The following USP7 variants were observed in gnomAD, a reference collection of about 807,000 sequenced individuals.
USP7 encodes ubiquitin C-terminal hydrolase 7.
A neutral mutation model predicts 162.9 loss-of-function variants in USP7; 9 were observed. The observed-to-expected ratio is 0.06, with a 90% confidence interval of 0.03 to 0.10. The LOEUF (loss-of-function observed/expected upper bound fraction) is 0.10. Ranked by LOEUF, USP7 falls within the 10% of genes least tolerant of loss-of-function variation. The pLI, the probability that USP7 is intolerant of heterozygous loss-of-function variation, is 1.00. For synonymous variants in USP7, 562 were observed against 475.9 expected (o/e 1.18, Z -2.35); for missense variants, 715 against 1,373.7 (o/e 0.52, Z 7.58).
chr16:8,941,149 C>T (rs939176504), intron 1 of USP7, among the ~76,000 whole-genome samples: 2 of 152,170 alleles, frequency 1.3e-5, no homozygotes, highest in Admixed American at 1.3e-4. Flanking sequence ...CATGAGGACC[C>T]CCCGCCCCAC....
intron 13 of USP7, among the ~76,000 whole-genome samples, chr16:8,905,882 A>G (rs116542245): frequency 5.3e-5 from 8 of 152,084 alleles, no homozygotes; most frequent in Non-Finnish European, 1.0e-4. Context: ...TGTTACACGC[A>G]CTCTTCACTG....
chr16:8,897,329 C>A, intron 25 of USP7: 1 of 500,330 alleles, frequency 2.0e-6, no homozygotes. Flanking sequence ...ACAAAAGTGG[C>A]CTTGATGCAA....
At chr16:8,897,698 C>CCAAAAAA (rs1555461632) in intron 25 of USP7, among the ~76,000 whole-genome samples, 7 of 35,596 alleles carry the variant, frequency 2.0e-4, no homozygotes, top group African/African-American at 8.3e-4. Context: ...CCTGTCTCTA[C>CCAAAAAA]AAAAAAAAAA....
chr16:8,958,444 C>G (rs755471601), intron 1 of USP7, among the ~76,000 whole-genome samples: 22 of 152,336 alleles, frequency 1.4e-4, no homozygotes, highest in African/African-American at 4.3e-4. Flanking sequence ...AAGGCAGTGA[C>G]GGACAGAAGT....
rs1343557524 is a variant in USP7, at chr16:8,899,689, C to T, written c.2378G>A (p.Arg793His). 5 of 1,614,150 alleles carry T rather than the reference C, an allele frequency of 3.1e-6. No individual in the cohort carries two copies. Among genetic ancestry groups the T allele is most frequent in the Non-Finnish European group, 3.4e-6 (4 of 1,180,000 alleles). The change falls in exon 22 of 31, where the codon CGC becomes CAC. Residue 793 changes from arginine to histidine, a missense_variant. Coordinates refer to ENST00000344836, the MANE Select transcript of USP7 (RefSeq NM_003470.3). The part of the protein sequence containing the change: ...AKEYFRDLYH[R>H]VDVIFCDKTI... ...TTTATCACAGAAAATGACATCAACGCGGTGGTAGAGATCTCGGAAATACTC... is the reference window on the plus strand; with the variant it reads ...TTTATCACAGAAAATGACATCAACGTGGTGGTAGAGATCTCGGAAATACTC...
chr16:8,920,952 T>C (rs538203763), intron 4 of USP7, among the ~76,000 whole-genome samples: 4 of 152,346 alleles, frequency 2.6e-5, no homozygotes, highest in African/African-American at 9.6e-5. Flanking sequence ...TTTGAATGTC[T>C]GACTAAAAAG....
intron 1 of USP7, among the ~76,000 whole-genome samples, chr16:8,959,211 G>A (rs144915766): frequency 1.5e-3 from 222 of 152,270 alleles, no homozygotes; most frequent in African/African-American, 4.9e-3. Context: ...TAAGCAATGT[G>A]CATTAGGTCC....
At chr16:8,929,569 G>A in intron 2 of USP7, 1 of 456,034 alleles carries the variant, frequency 2.2e-6, no homozygotes, top group Non-Finnish European at 4.4e-6. Flanking sequence ...CCCTCATGAG[G>A]ATTGATGGAC....
At chr16:8,958,392 C>T (rs562115266) in intron 1 of USP7, among the ~76,000 whole-genome samples, 3 of 152,342 alleles carry the variant, frequency 2.0e-5, no homozygotes, top group South Asian at 2.1e-4. Flanking sequence ...TGCAGCTGTG[C>T]GACTTCCTGT....
At chr16:8,939,143 T>G (rs1020245510) in intron 1 of USP7, among the ~76,000 whole-genome samples, 14 of 152,206 alleles carry the variant, frequency 9.2e-5, no homozygotes, top group Admixed American at 2.0e-4. Flanking sequence ...GTGTATTTAG[T>G]TCTCTACAAT....
Position 8,893,993 on chromosome 16 carries a change from G to A in USP7, c.*5C>T, listed in dbSNP as rs2061643948. On this transcript the variant is annotated 3_prime_UTR_variant, in exon 31 of 31. Coordinates refer to ENST00000344836, the MANE Select transcript of USP7 (RefSeq NM_003470.3). ...GTCCTCGCCTTGAACACACCAGCTT[G>A]GAAATCAGTTATGGATTTTAATGGC... 4 of 1,613,798 alleles carry A rather than the reference G, an allele frequency of 2.5e-6. No individual in the cohort carries two copies. The highest frequency in any genetic ancestry group is 1.6e-4 in the Middle Eastern group (1 of 6,062).
At chr16:8,918,349 G>C (rs1567223191) in intron 6 of USP7, among the ~76,000 whole-genome samples, 1 of 152,138 alleles carries the variant, frequency 6.6e-6, no homozygotes, top group Admixed American at 6.5e-5. Flanking sequence ...ATCTATATTA[G>C]ATTTAATGTA....
chr16:8,962,970 C>T (rs1292328259), intron 1 of USP7: 1 of 229,642 alleles, frequency 4.4e-6, no homozygotes, highest in Admixed American at 5.8e-5. Context: ...CCGCGGAGGC[C>T]CGGCGGACGC....
intron 30 of USP7, among the ~76,000 whole-genome samples, chr16:8,894,324 C>A (rs987257809): frequency 6.6e-6 from 1 of 152,212 alleles, no homozygotes; most frequent in Admixed American, 6.5e-5. Flanking sequence ...AATCACCCTG[C>A]ACACATATCC....
chr16:8,894,531 G>GT lies in USP7; in HGVS notation c.3202+18_3202+19insA, dbSNP rs534626904. 358 of 1,465,380 alleles carry GT rather than the reference G, an allele frequency of 2.4e-4. 3 individuals are homozygous for GT. Among genetic ancestry groups the GT allele is most frequent in the South Asian group, 2.3e-3 (192 of 85,000 alleles). 90.8% of individuals were successfully genotyped at this position (1,465,380 alleles called of 1,614,324 possible). On this transcript the variant is annotated intron_variant, in intron 30 of 30. Transcript: ENST00000344836. ...AGTCTGAAACCCACACCAGCCCCCGGGGGGGGGAGAACCCTTACCGGGCTG... is the reference window on the plus strand; with the variant it reads ...AGTCTGAAACCCACACCAGCCCCCGGTGGGGGGGAGAACCCTTACCGGGCTG...
chr16:8,895,064 C>G lies in USP7; in HGVS notation c.3006G>C (p.Thr1002=). The change falls in exon 28 of 31, where the codon ACG becomes ACC. Residue 1002 remains threonine, a synonymous_variant. Transcript: ENST00000344836. ...VAHFHKEVFG[T]FGIPFLLRIH... ...TCCTCAGCAAAAACGGGATTCCGAA[C>G]GTTCCGAAGACCTCTTTGTGGAAAT... 1.9e-6 allele frequency: 3 copies of G among 1,614,228 alleles called. No individual in the cohort carries two copies. The highest frequency in any genetic ancestry group is 2.5e-6 in the Non-Finnish European group (3 of 1,180,042).
intron 13 of USP7, among the ~76,000 whole-genome samples, 173 bp from the exon 14 acceptor site, chr16:8,905,504 C>T (rs567737464): frequency 2.0e-5 from 3 of 152,220 alleles, no homozygotes; most frequent in African/African-American, 4.8e-5. Flanking sequence ...AGGCAGGCAG[C>T]GCCTCAGGCA....
At chr16:8,894,717 G>A (rs147649202) in intron 29 of USP7, 67 bp downstream of exon 29, 312 of 1,612,880 alleles carry the variant, frequency 1.9e-4, no homozygotes, top group Admixed American at 3.2e-4. Context: ...AAAAAGCCTA[G>A]GCCGCTACGC....
At position 8,902,502 on chromosome 16, in the gene USP7, T is replaced by G. The variant is rs773682528; in HGVS notation, c.1840-20A>C. Reference sequence around the variant, plus strand: ...AAATCCCTGAAAAAAATATTAAGAGTAGATTAAAATAAAAACACGCTCATA... The same window carrying G: ...AAATCCCTGAAAAAAATATTAAGAGGAGATTAAAATAAAAACACGCTCATA... On this transcript the variant is annotated intron_variant, in intron 16 of 30. Coordinates refer to ENST00000344836, the MANE Select transcript of USP7 (RefSeq NM_003470.3). 1.2e-6 allele frequency: 2 copies of G among 1,603,972 alleles called. No individual in the cohort carries two copies. The highest frequency in any genetic ancestry group is 2.2e-5 in the South Asian group (2 of 90,184).
Sources: allele counts gnomAD v4.1 joint callset (sites outside exome capture counted in the v4.1 genomes callset), GRCh38; gene constraint gnomAD v4.1.1; transcripts MANE v1.5; gene names NCBI Gene and HGNC (gene_info 2026-07-23, HGNC 2026-07-21).